The following MALSU1 variants were observed in gnomAD, a reference collection of about 807,000 sequenced individuals.
MALSU1 encodes the protein mitochondrial assembly of ribosomal large subunit protein 1.
MALSU1 carries 22 observed loss-of-function variants against 22.1 expected under a neutral mutation model. That is an observed-to-expected ratio of 1.00 (90% confidence interval 0.71 to 1.42). The LOEUF (loss-of-function observed/expected upper bound fraction) is 1.42. Among genes scored for constraint, MALSU1 ranks in the 40% most tolerant of loss-of-function variants. The pLI is 0.00. For missense variants in MALSU1, 379 were observed against 308.3 expected, an observed-to-expected ratio of 1.23 and a Z score of -1.72; for synonymous variants, 153 against 118.5, an observed-to-expected ratio of 1.29 and a Z score of -1.89.
At position 23,309,921 on chromosome 7, in the gene MALSU1, C is replaced by G; in HGVS notation, c.*378C>G. The G allele has an allele frequency of 6.5e-6, 1 of 154,076 alleles. No homozygotes were observed. 9.5% of individuals were successfully genotyped at this position (154,076 alleles called of 1,614,324 possible). On this transcript the variant is annotated 3_prime_UTR_variant, in exon 4 of 4. Transcript: ENST00000466681. ...AAAAATTTTAAAAAATAATATAAAACATAGCCCACTGGTCTTATTTTTATA... is the reference window on the plus strand; with the variant it reads ...AAAAATTTTAAAAAATAATATAAAAGATAGCCCACTGGTCTTATTTTTATA...
chr7:23,299,706 C>A, intron 1 of MALSU1, 98 bp downstream of exon 1: 2 of 1,351,290 alleles, frequency 1.5e-6, no homozygotes, highest in Middle Eastern at 2.2e-4. Flanking sequence ...GTGCATTTCT[C>A]TTGGAGTCAC....
chr7:23,304,676 G>A (rs1206431012), intron 2 of MALSU1, among the ~76,000 whole-genome samples: 1 of 152,146 alleles, frequency 6.6e-6, no homozygotes, highest in Admixed American at 6.5e-5. Flanking sequence ...GAGACAGAAA[G>A]TAGAATGGTA....
chr7:23,304,287 C>T (rs1027101066), intron 2 of MALSU1, among the ~76,000 whole-genome samples: 1 of 152,062 alleles, frequency 6.6e-6, no homozygotes, highest in African/African-American at 2.4e-5. Flanking sequence ...AGTGGCTACA[C>T]CACTTTACAT....
chr7:23,300,685 G>A (rs927890286), intron 1 of MALSU1, among the ~76,000 whole-genome samples, 154 bp from the exon 2 acceptor site: 1 of 152,056 alleles, frequency 6.6e-6, no homozygotes, highest in African/African-American at 2.4e-5. Context: ...TACTGCCCAG[G>A]TTCACCTTCC....
At chr7:23,305,923 G>A (rs1015228185) in intron 2 of MALSU1, among the ~76,000 whole-genome samples, 10 of 152,226 alleles carry the variant, frequency 6.6e-5, no homozygotes, top group Admixed American at 2.0e-4. Flanking sequence ...GGCTGCTCAC[G>A]GTGGCTGATG....
At chr7:23,299,704 C>T in intron 1 of MALSU1, 96 bp downstream of exon 1, 1 of 1,360,842 alleles carries the variant, frequency 7.3e-7, no homozygotes, top group Non-Finnish European at 9.8e-7. Flanking sequence ...ATGTGCATTT[C>T]TCTTGGAGTC....
intron 1 of MALSU1, 34 bp downstream of exon 1, chr7:23,299,642 T>C: frequency 6.5e-7 from 1 of 1,540,040 alleles, no homozygotes; most frequent in Non-Finnish European, 8.8e-7. Flanking sequence ...GGCGACCCTC[T>C]CCGGGCAGTC....
At chr7:23,301,123 CAGA>C in intron 2 of MALSU1, 106 bp downstream of exon 2, 1 of 1,022,962 alleles carries the variant, frequency 9.8e-7, no homozygotes, top group Non-Finnish European at 1.4e-6. Context: ...TACAAAGTTA[CAGA>C]AGAAGCCCAA....
Position 23,302,815 on chromosome 7 carries a change from C to T in MALSU1, c.435+1798C>T, listed in dbSNP as rs561948335. Among the ~76,000 whole-genome samples, 26 of 152,252 alleles carry T rather than the reference C, an allele frequency of 1.7e-4. No individual in the cohort carries two copies. In the East Asian group the frequency reaches 2.9e-3, roughly 17 times the overall value. Reference sequence around the variant, plus strand: ...TTTGGAGACAAGAGTCTCGCTCTGTCGCCCAGGCTGGAGTGCAGTGGCTCG... The same window carrying T: ...TTTGGAGACAAGAGTCTCGCTCTGTTGCCCAGGCTGGAGTGCAGTGGCTCG... On this transcript the variant is annotated intron_variant, in intron 2 of 3. Transcript: ENST00000466681.
At position 23,299,369 on chromosome 7, in the gene MALSU1, G is replaced by T. The variant is rs1320038756; in HGVS notation, c.17G>T (p.Arg6Leu). The change falls in exon 1 of 4, where the codon CGT (arginine) becomes CTT (leucine). Residue 6 changes from arginine (R) to leucine (L), a missense_variant. Transcript: ENST00000466681. ...GCTGCTGCTATGGGGCCGGGCGGCC[G>T]TGTGGCGCGGCTGCTCGCCCCACTA... MGPGGRVARLLAPLMW... is the reference protein window; with the variant it reads MGPGGLVARLLAPLMW... 12 of 1,582,440 alleles carry T rather than the reference G, an allele frequency of 7.6e-6. No individual in the cohort carries two copies. Among genetic ancestry groups the T allele is most frequent in the African/African-American group, 5.4e-5 (4 of 74,482 alleles).
At position 23,300,862 on chromosome 7, in the gene MALSU1, A is replaced by G. The variant is rs370758198; in HGVS notation, c.280A>G (p.Ile94Val). ...AGATCATACTGGTCCCAAGTTTGAC[A>G]TCGATATGATGGTTTCACTTCTGAG... ...AADHTGPKFD[I>V]DMMVSLLRQE... The change falls in exon 2 of 4, where the codon ATC (isoleucine) becomes GTC (valine). Residue 94 changes from isoleucine to valine, a missense_variant. Transcript: ENST00000466681. 1.6e-5 allele frequency: 26 copies of G among 1,613,858 alleles called. No individual in the cohort carries two copies. In the East Asian group the frequency reaches 5.6e-4, roughly 35 times the overall value.
In MALSU1 at chr7:23,310,599, A is replaced by G. The variant is rs1783799876; in HGVS notation, c.*1056A>G. On this transcript the variant is annotated 3_prime_UTR_variant, in exon 4 of 4. Coordinates refer to ENST00000466681, the MANE Select transcript of MALSU1 (RefSeq NM_138446.2). ...TTAGCAATTTTAATTCATTGTATGAAAAAAAAATCATGAATGCTAGGAGAA... is the reference window on the plus strand; with the variant it reads ...TTAGCAATTTTAATTCATTGTATGAGAAAAAAATCATGAATGCTAGGAGAA... 6.6e-6 allele frequency: 1 copy of G among 152,162 alleles called. No individual in the cohort carries two copies. The highest frequency in any genetic ancestry group is 6.6e-5 in the Admixed American group (1 of 15,264). The allele number at this position is 152,162 out of a possible 1,614,324, so 9.4% of individuals were successfully genotyped here.
chr7:23,306,157 A>G (rs1783719523), intron 2 of MALSU1, among the ~76,000 whole-genome samples: 1 of 152,124 alleles, frequency 6.6e-6, no homozygotes, highest in Non-Finnish European at 1.5e-5. Context: ...TTGCGCCATT[A>G]TAGTCCAGCC....
rs1446148020 is a variant in MALSU1, at chr7:23,309,845, T to C, written c.*302T>C. On this transcript the variant is annotated 3_prime_UTR_variant, in exon 4 of 4. Transcript: ENST00000466681. Reference sequence around the variant, plus strand: ...ACTTCTCTGCTCAGATTTTTATTAATTTAATTTAGCTTAAATGTAAATCTT... The same window carrying C: ...ACTTCTCTGCTCAGATTTTTATTAACTTAATTTAGCTTAAATGTAAATCTT... The C allele has an allele frequency of 2.2e-5, 4 of 181,492 alleles. No homozygotes were observed. The highest frequency in any genetic ancestry group is 9.4e-5 in the African/African-American group (4 of 42,670). 11.2% of individuals were successfully genotyped at this position (181,492 alleles called of 1,614,324 possible).
chr7:23,307,781 AAC>A, intron 2 of MALSU1, 85 bp from the exon 3 acceptor site: 3 of 827,834 alleles, frequency 3.6e-6, no homozygotes, highest in South Asian at 3.1e-5. Context: ...AAAAAAAACA[AAC>A]AAACAAACAA....
At chr7:23,304,433 G>C (rs1159482062) in intron 2 of MALSU1, among the ~76,000 whole-genome samples, 1 of 152,178 alleles carries the variant, frequency 6.6e-6, no homozygotes, top group East Asian at 1.9e-4. Context: ...AAGGATTAGT[G>C]ATGTTGAGCA....
intron 1 of MALSU1, 147 bp downstream of exon 1, chr7:23,299,755 G>T (rs1783616630): frequency 1.0e-6 from 1 of 971,930 alleles, no homozygotes; most frequent in African/African-American, 1.6e-5. Context: ...GGACTTCAAA[G>T]GTTGTTGGCG....
chr7:23,300,738 A>G (rs902712533), intron 1 of MALSU1, 101 bp from the exon 2 acceptor site: 1 of 1,019,922 alleles, frequency 9.8e-7, no homozygotes, highest in Non-Finnish European at 1.5e-6. Flanking sequence ...CTTTGGATCT[A>G]AACACCCTCA....
intron 2 of MALSU1, among the ~76,000 whole-genome samples, chr7:23,305,361 TG>T (rs1216757892): frequency 6.6e-6 from 1 of 152,114 alleles, no homozygotes; most frequent in Non-Finnish European, 1.5e-5. Flanking sequence ...AAGATTGTTT[TG>T]GCTATTTGGG....
Sources: allele counts gnomAD v4.1 joint callset (sites outside exome capture counted in the v4.1 genomes callset), GRCh38; gene constraint gnomAD v4.1.1; transcripts MANE v1.5; gene names NCBI Gene and HGNC (gene_info 2026-07-23, HGNC 2026-07-21).